Variants in SPRR4 observed in about 807,000 individuals in gnomAD.
The protein encoded by SPRR4 is small proline rich protein 4.
For missense variants in SPRR4, 106 were observed against 91.6 expected (o/e 1.16, Z -0.64); for synonymous variants, 30 against 34.3 (o/e 0.87, Z 0.44).
chr1:152,971,984 G>C lies in SPRR4; in HGVS notation c.94G>C (p.Val32Leu), dbSNP rs769350258. 1 of 1,614,020 alleles carries C rather than the reference G, an allele frequency of 6.2e-7. No individual in the cohort carries two copies. Among genetic ancestry groups the C allele is most frequent in the Non-Finnish European group, 8.5e-7 (1 of 1,180,004 alleles). The change falls in exon 2 of 2, where the codon GTT becomes CTT. Residue 32 changes from valine to leucine, a missense_variant. By Grantham distance (32) the Val-to-Leu change is conservative. Transcript: ENST00000328051. ...GAAGCAGCCTTGTCAGCCACCCCCTGTTAAATGTCAAGAGACATGTGCACC... is the reference window on the plus strand; with the variant it reads ...GAAGCAGCCTTGTCAGCCACCCCCTCTTAAATGTCAAGAGACATGTGCACC... ...QVKQPCQPPPVKCQETCAPKT... is the reference protein window; with the variant it reads ...QVKQPCQPPPLKCQETCAPKT...
At position 152,972,347 on chromosome 1, in the gene SPRR4, G is replaced by A; in HGVS notation, c.*217G>A. On this transcript the variant is annotated 3_prime_UTR_variant, in exon 2 of 2. Coordinates refer to ENST00000328051, the MANE Select transcript of SPRR4 (RefSeq NM_173080.3). ...TATATCCCACCCCGATGCTCTCCCA[G>A]GTGGGTGTGAGAGAGACCTCATTCT... 1 of 736,062 alleles carries A rather than the reference G, an allele frequency of 1.4e-6. No homozygotes were observed. The highest frequency in any genetic ancestry group is 2.2e-6 in the Non-Finnish European group (1 of 455,426). The allele number at this position is 736,062 out of a possible 1,614,324, so 45.6% of individuals were successfully genotyped here. A position where few individuals can be genotyped will look rare whatever the true frequency, so the allele number is the denominator to read the frequency against.
At position 152,972,071 on chromosome 1, in the gene SPRR4, A is replaced by G. The variant is rs200796048; in HGVS notation, c.181A>G (p.Ile61Val). Residue 61 changes from isoleucine (I) to valine (V), a missense_variant, in exon 2 of 2, where the codon ATT becomes GTT. Ile to Val is a conservative substitution (Grantham distance 29). Transcript: ENST00000328051. ...KKQCPPKGTIIPAQQKCPSAQ... is the reference protein window; with the variant it reads ...KKQCPPKGTIVPAQQKCPSAQ... ...GCAATGCCCACCGAAAGGCACCATC[A>G]TTCCAGCCCAGCAGAAGTGTCCCTC... is the stretch of plus-strand genomic sequence containing the variant. 80 of 1,614,076 alleles carry G rather than the reference A, an allele frequency of 5.0e-5. No individual in the cohort carries two copies. Among genetic ancestry groups the G allele is most frequent in the Non-Finnish European group, 6.7e-5 (79 of 1,179,998 alleles).
Position 152,972,351 on chromosome 1 carries a change from G to T in SPRR4, c.*221G>T. 1.4e-6 allele frequency: 1 copy of T among 705,502 alleles called. No homozygotes were observed. Among genetic ancestry groups the T allele is most frequent in the African/African-American group, 1.8e-5 (1 of 55,286 alleles). 43.7% of individuals were successfully genotyped at this position (705,502 alleles called of 1,614,324 possible). ...TCCCACCCCGATGCTCTCCCAGGTG[G>T]GTGTGAGAGAGACCTCATTCTCTGC... On this transcript the variant is annotated 3_prime_UTR_variant, in exon 2 of 2. Coordinates refer to ENST00000328051, the MANE Select transcript of SPRR4 (RefSeq NM_173080.3).
chr1:152,971,382 C>T (rs1046886249), intron 1 of SPRR4, among the ~76,000 whole-genome samples: 4 of 152,132 alleles, frequency 2.6e-5, no homozygotes, highest in African/African-American at 4.8e-5. Context: ...TTCCTTTGAA[C>T]ATCCTCCTGT....
chr1:152,971,159 C>T (rs957741422), intron 1 of SPRR4, among the ~76,000 whole-genome samples: 12 of 152,096 alleles, frequency 7.9e-5, no homozygotes, highest in Admixed American at 5.2e-4. Flanking sequence ...CTGAGGCCTG[C>T]ACTTCCCATC....
chr1:152,968,911 C>T (rs118078681), upstream of SPRR4, among the ~76,000 whole-genome samples: 77 of 152,324 alleles, frequency 5.1e-4, no homozygotes, highest in East Asian at 0.015. Context: ...ATCTGTCTTG[C>T]TGCGTAGTTT....
At position 152,972,545 on chromosome 1, in the gene SPRR4, C is replaced by T. The variant is rs1296233153; in HGVS notation, c.*415C>T. Reference sequence around the variant, plus strand: ...CTGCTCTGGGCTTCTCTCCTGTTTTCCCCAATAAATATGTGCCTCATGTAA... The same window carrying T: ...CTGCTCTGGGCTTCTCTCCTGTTTTTCCCAATAAATATGTGCCTCATGTAA... On this transcript the variant is annotated 3_prime_UTR_variant, in exon 2 of 2. Coordinates refer to ENST00000328051, the MANE Select transcript of SPRR4 (RefSeq NM_173080.3). 9.7e-6 allele frequency: 2 copies of T among 205,658 alleles called. No individual in the cohort carries two copies. The highest frequency in any genetic ancestry group is 4.7e-5 in the African/African-American group (2 of 42,560). 12.7% of individuals were successfully genotyped at this position (205,658 alleles called of 1,614,324 possible). A position where few individuals can be genotyped will look rare whatever the true frequency, so the allele number is the denominator to read the frequency against.
Position 152,972,140 on chromosome 1 carries a change from G to A in SPRR4, c.*10G>A, listed in dbSNP as rs200805970. ...GAGCAAACAGAAGTAAGGATGGACT[G>A]GATATTACCATCATCCACCATCCTG... On this transcript the variant is annotated 3_prime_UTR_variant, in exon 2 of 2. Transcript: ENST00000328051. 240 of 1,613,650 alleles carry A rather than the reference G, an allele frequency of 1.5e-4. No individual in the cohort carries two copies. Among genetic ancestry groups the A allele is most frequent in the Non-Finnish European group, 1.8e-4 (214 of 1,179,850 alleles).
chr1:152,971,609 C>CAT (rs1226710437), intron 1 of SPRR4, among the ~76,000 whole-genome samples: 1 of 150,526 alleles, frequency 6.6e-6, no homozygotes, highest in African/African-American at 2.4e-5. Context: ...CACACACACA[C>CAT]ACACTCACAC....
chr1:152,970,001 G>A (rs774356388), upstream of SPRR4, among the ~76,000 whole-genome samples: 3 of 152,160 alleles, frequency 2.0e-5, no homozygotes, highest in Non-Finnish European at 4.4e-5. Flanking sequence ...TTCGTGAACT[G>A]TCCCCCTGGA....
rs754924478 is a variant in SPRR4 at position 152,971,916 on chromosome 1, A to G, written c.26A>G (p.Gln9Arg). The part of the protein sequence containing the change: MSSQQQQR[Q>R]QQQCPPQRAQ... Reference sequence around the variant, plus strand: ...ATGTCTTCCCAGCAGCAGCAGCGGCAGCAGCAGCAGTGCCCACCCCAGAGG... The same window carrying G: ...ATGTCTTCCCAGCAGCAGCAGCGGCGGCAGCAGCAGTGCCCACCCCAGAGG... The change falls in exon 2 of 2, where the codon CAG becomes CGG. Residue 9 changes from glutamine (Q) to arginine (R), a missense_variant. Physicochemically the swap from Gln to Arg is conservative, Grantham distance 43 (BLOSUM62 1). Transcript: ENST00000328051. The G allele has an allele frequency of 2.5e-6, 4 of 1,613,806 alleles. No homozygotes were observed. The Admixed American group carries it at 5.0e-5, about 20-fold the overall frequency.
intron 1 of SPRR4, 58 bp from the exon 2 acceptor site, chr1:152,971,813 T>A: frequency 6.4e-7 from 1 of 1,569,554 alleles, no homozygotes; most frequent in South Asian, 1.2e-5. Context: ...TTAAAAAGGG[T>A]GTTAAAAGGC....
chr1:152,971,838 C>A (rs907459288), intron 1 of SPRR4, 33 bp from the exon 2 acceptor site: 201 of 1,605,534 alleles, frequency 1.3e-4, no homozygotes, highest in Non-Finnish European at 1.5e-4. Context: ...TTTTAACACC[C>A]TTCTCATGGT....
At chr1:152,970,166 C>T (rs1456493036), upstream of SPRR4, among the ~76,000 whole-genome samples, 1 of 152,208 alleles carries the variant, frequency 6.6e-6, no homozygotes, top group East Asian at 1.9e-4. Flanking sequence ...AACAACGACA[C>T]TTTCCCTAGA....
chr1:152,970,893 T>G (rs777496732), intron 1 of SPRR4, among the ~76,000 whole-genome samples, 199 bp downstream of exon 1: 1 of 152,194 alleles, frequency 6.6e-6, no homozygotes, highest in Non-Finnish European at 1.5e-5. Flanking sequence ...TTGCTCAGTA[T>G]GACTTATTTT....
chr1:152,972,277 T>G lies in SPRR4; in HGVS notation c.*147T>G. 1 of 1,330,986 alleles carries G rather than the reference T, an allele frequency of 7.5e-7. No individual in the cohort carries two copies. Among genetic ancestry groups the G allele is most frequent in the South Asian group, 1.5e-5 (1 of 68,002 alleles). 82.4% of individuals were successfully genotyped at this position (1,330,986 alleles called of 1,614,324 possible). On this transcript the variant is annotated 3_prime_UTR_variant, in exon 2 of 2. Transcript: ENST00000328051. ...GATGTAAGGAAGCATTGTAAGGATT[T>G]CTTCCCATCGTACCCTTCCCCACAC...
chr1:152,968,931 G>A (rs1651753601), upstream of SPRR4, among the ~76,000 whole-genome samples: 1 of 152,208 alleles, frequency 6.6e-6, no homozygotes, highest in Admixed American at 6.5e-5. Flanking sequence ...TCCTTGTGGA[G>A]AGTTCATATC....
Position 152,972,254 on chromosome 1 carries a change from T to C in SPRR4, c.*124T>C, listed in dbSNP as rs1301125371. 1 of 1,432,638 alleles carries C rather than the reference T, an allele frequency of 7.0e-7. No homozygotes were observed. The highest frequency in any genetic ancestry group is 1.4e-5 in the African/African-American group (1 of 69,670). The allele number at this position is 1,432,638 out of a possible 1,614,324, so 88.7% of individuals were successfully genotyped here. ...CTCTCACATCTCCTCCTGCCCAAGA[T>C]GTAAGGAAGCATTGTAAGGATTTCT... On this transcript the variant is annotated 3_prime_UTR_variant, in exon 2 of 2. Coordinates refer to ENST00000328051, the MANE Select transcript of SPRR4 (RefSeq NM_173080.3).
Position 152,972,066 on chromosome 1 carries a change from C to T in SPRR4, c.176C>T (p.Thr59Ile), listed in dbSNP as rs1033839438. 2 of 1,613,996 alleles carry T rather than the reference C, an allele frequency of 1.2e-6. No homozygotes were observed. The highest frequency in any genetic ancestry group is 3.3e-5 in the Admixed American group (2 of 60,002). ...AAGAAGCAATGCCCACCGAAAGGCA[C>T]CATCATTCCAGCCCAGCAGAAGTGT... ...QVKKQCPPKG[T>I]IIPAQQKCPS... The change falls in exon 2 of 2, where the codon ACC becomes ATC. Residue 59 changes from threonine (T) to isoleucine (I), a missense_variant. By Grantham distance (89) the Thr-to-Ile change is moderately conservative. Transcript: ENST00000328051.
Sources: allele counts gnomAD v4.1 joint callset (sites outside exome capture counted in the v4.1 genomes callset), GRCh38; gene constraint gnomAD v4.1.1; transcripts MANE v1.5; gene names NCBI Gene and HGNC (gene_info 2026-07-23, HGNC 2026-07-21).